The following RMND1 variants were observed in gnomAD, a reference collection of about 807,000 sequenced individuals.
RMND1 encodes the protein required for meiotic nuclear division protein 1 homolog.
RMND1 carries 41 observed loss-of-function variants against 54.0 expected under a neutral mutation model. The observed-to-expected ratio is 0.76, with a 90% CI of 0.59 to 0.98. The LOEUF (loss-of-function observed/expected upper bound fraction) is 0.98. RMND1 is among the 50% of genes least tolerant of loss of function. The pLI is 0.00. For missense variants in RMND1, 457 were observed against 532.0 expected, an observed-to-expected ratio of 0.86 and a Z score of 1.39; for synonymous variants, 183 against 181.7, an observed-to-expected ratio of 1.01 and a Z score of -0.06.
In RMND1 at chr6:151,445,832, G is replaced by A; in HGVS notation, c.-14-7C>T. On this transcript the variant is annotated splice_polypyrimidine_tract_variant and splice_region_variant and intron_variant, in intron 1 of 11. Coordinates refer to ENST00000444024, the MANE Select transcript of RMND1 (RefSeq NM_017909.4). ...GGCATTACCACATCCCAAGCTAAAA[G>A]AAAAGGAATTCAAAGTTCAAGTTTT... is the stretch of plus-strand genomic sequence containing the variant. 1 of 1,549,944 alleles carries A rather than the reference G, an allele frequency of 6.5e-7. No individual in the cohort carries two copies. Among genetic ancestry groups the A allele is most frequent in the African/African-American group, 1.4e-5 (1 of 72,484 alleles).
Position 151,445,288 on chromosome 6 carries a change from C to T in RMND1, c.504+20G>A. ...AGCAATGATCACTAAGCACGAGAGC[C>T]ACGGCCACCCCTACTTTACCTCGTT... On this transcript the variant is annotated intron_variant, in intron 2 of 11. Coordinates refer to ENST00000444024, the MANE Select transcript of RMND1 (RefSeq NM_017909.4). 6.3e-7 allele frequency: 1 copy of T among 1,587,450 alleles called. No individual in the cohort carries two copies. Among genetic ancestry groups the T allele is most frequent in the African/African-American group, 1.4e-5 (1 of 73,868 alleles).
At chr6:151,427,640 T>C in intron 5 of RMND1, 58 bp from the exon 6 acceptor site, 7 of 1,101,562 alleles carry the variant, frequency 6.4e-6, no homozygotes, top group Non-Finnish European at 9.6e-6. Context: ...TTCAAGTATG[T>C]TATGATTTTA....
intron 10 of RMND1, among the ~76,000 whole-genome samples, chr6:151,414,999 G>A (rs1002749204): frequency 6.0e-5 from 9 of 150,634 alleles, no homozygotes; most frequent in Non-Finnish European, 1.2e-4. Flanking sequence ...CAAACTAAGA[G>A]AATTTGTCTC....
intron 10 of RMND1, among the ~76,000 whole-genome samples, chr6:151,413,659 T>C (rs1483755536): frequency 1.3e-5 from 2 of 152,242 alleles, no homozygotes; most frequent in Admixed American, 1.3e-4. Flanking sequence ...TTTCCTCCTC[T>C]GGATCTTCAG....
At chr6:151,426,684 G>C (rs1215650723) in intron 6 of RMND1, among the ~76,000 whole-genome samples, 1 of 152,150 alleles carries the variant, frequency 6.6e-6, no homozygotes, top group East Asian at 1.9e-4. Context: ...GTTTTAACTT[G>C]TGGATAGCCT....
intron 1 of RMND1, among the ~76,000 whole-genome samples, chr6:151,449,671 T>C (rs1440881133): frequency 1.3e-5 from 2 of 151,496 alleles, no homozygotes; most frequent in East Asian, 2.0e-4. Context: ...ACGGTCCCCC[T>C]CTCCCCACGG....
At chr6:151,443,537 C>T (rs1780851568) in intron 2 of RMND1, among the ~76,000 whole-genome samples, 3 of 152,144 alleles carry the variant, frequency 2.0e-5, no homozygotes. Flanking sequence ...TCTCGAACTC[C>T]TGACCTCAAG....
In RMND1 at chr6:151,434,918, G is replaced by C. The variant is rs144884821; in HGVS notation, c.613+1528C>G. ...GGCTGGAGTGCAGTGGCACGATCTT[G>C]GCTCATTGCAACCTCCACCTCCCAG... is the stretch of plus-strand genomic sequence containing the variant. On this transcript the variant is annotated intron_variant, in intron 3 of 11. Coordinates refer to ENST00000444024, the MANE Select transcript of RMND1 (RefSeq NM_017909.4). Among the ~76,000 whole-genome samples, 1,223 of 151,172 alleles carry C rather than the reference G, an allele frequency of 8.1e-3. 16 individuals carry two copies. The highest frequency in any genetic ancestry group is 0.025 in the African/African-American group (1,032 of 41,090).
intron 10 of RMND1, among the ~76,000 whole-genome samples, chr6:151,410,815 G>A (rs775802804): frequency 4.6e-5 from 7 of 152,040 alleles, no homozygotes; most frequent in East Asian, 3.9e-4. Flanking sequence ...AAAGATAACC[G>A]TTTTTATACA....
At chr6:151,443,650 G>A (rs1252036120) in intron 2 of RMND1, among the ~76,000 whole-genome samples, 1 of 152,154 alleles carries the variant, frequency 6.6e-6, no homozygotes, top group African/African-American at 2.4e-5. Flanking sequence ...CTTTCAGAAA[G>A]ACAGCATGCG....
intron 2 of RMND1, among the ~76,000 whole-genome samples, chr6:151,438,927 A>G (rs879836015): frequency 5.9e-5 from 9 of 152,124 alleles, no homozygotes; most frequent in Non-Finnish European, 1.3e-4. Context: ...GAGCCTGGTC[A>G]ACGTGGTGAA....
chr6:151,409,499 G>A (rs1779738280), intron 10 of RMND1, among the ~76,000 whole-genome samples: 2 of 152,146 alleles, frequency 1.3e-5, no homozygotes, highest in Admixed American at 1.3e-4. Flanking sequence ...AATTTCAAAA[G>A]TTTCATTTTG....
At chr6:151,424,014 A>AT (rs561907657) in intron 6 of RMND1, among the ~76,000 whole-genome samples, 67 of 151,748 alleles carry the variant, frequency 4.4e-4, no homozygotes, top group African/African-American at 1.3e-3. Flanking sequence ...CACCCAGCTA[A>AT]TTTTTTTTGT....
chr6:151,423,985 T>C (rs951886839), intron 6 of RMND1, among the ~76,000 whole-genome samples: 2 of 151,916 alleles, frequency 1.3e-5, no homozygotes, highest in Non-Finnish European at 2.9e-5. Flanking sequence ...GTAGCTGGGA[T>C]TACAGGCATG....
At chr6:151,418,330 T>C (rs1780063786) in intron 9 of RMND1, among the ~76,000 whole-genome samples, 1 of 152,012 alleles carries the variant, frequency 6.6e-6, no homozygotes, top group Non-Finnish European at 1.5e-5. Flanking sequence ...GGGAGGATCA[T>C]GTGAACCTCG....
intron 4 of RMND1, among the ~76,000 whole-genome samples, chr6:151,431,307 T>C (rs1372480010): frequency 6.6e-6 from 1 of 152,018 alleles, no homozygotes; most frequent in Non-Finnish European, 1.5e-5. Flanking sequence ...AAGGGAACTT[T>C]ATGCAGTGAT....
chr6:151,434,776 T>C (rs183668288), intron 3 of RMND1, among the ~76,000 whole-genome samples: 1 of 152,362 alleles, frequency 6.6e-6, no homozygotes, highest in African/African-American at 2.4e-5. Context: ...TTGCTACTCT[T>C]AGGTAAATTA....
chr6:151,415,661 C>G (rs899352437), intron 10 of RMND1, among the ~76,000 whole-genome samples: 1 of 151,708 alleles, frequency 6.6e-6, no homozygotes, highest in East Asian at 2.0e-4. Flanking sequence ...GGCTTGGTGG[C>G]GGGTGCCTGT....
chr6:151,421,434 T>A (rs946333607), intron 8 of RMND1, 113 bp from the exon 9 acceptor site: 1 of 648,162 alleles, frequency 1.5e-6, no homozygotes, highest in Non-Finnish European at 2.7e-6. Context: ...ATGTAAATAT[T>A]TTTTAGGATG....
Sources: gnomAD v4.1 joint callset for allele counts (sites outside exome capture counted in the v4.1 genomes callset) on GRCh38, gnomAD v4.1.1 for gene constraint, MANE v1.5 for transcripts, NCBI Gene and HGNC (gene_info 2026-07-23, HGNC 2026-07-21) for gene names.